The following TNNI3K variants were observed in gnomAD, a reference collection of about 807,000 sequenced individuals.
TNNI3K encodes the protein TNNI3 interacting kinase, also known as serine/threonine-protein kinase TNNI3K.
Under a neutral mutation model 114.5 loss-of-function variants are expected in TNNI3K, and 140 were observed. The observed-to-expected ratio is 1.22, with a 90% CI of 1.07 to 1.41. The LOEUF is 1.41. TNNI3K is among the 40% of genes most tolerant of loss of function. The pLI is 0.00. For synonymous variants in TNNI3K, 347 were observed against 347.5 expected (o/e 1.00, Z 0.02); for missense variants, 1,125 against 1,007.6 (o/e 1.12, Z -1.58).
chr1:74,276,139 C>T (rs1280815041), intron 5 of TNNI3K, among the ~76,000 whole-genome samples: 1 of 152,014 alleles, frequency 6.6e-6, no homozygotes, highest in Non-Finnish European at 1.5e-5. Context: ...TCAATTAGCT[C>T]CACACATGTT....
intron 3 of TNNI3K, among the ~76,000 whole-genome samples, chr1:74,250,135 A>C (rs1276264112): frequency 6.6e-6 from 1 of 152,208 alleles, no homozygotes; most frequent in Non-Finnish European, 1.5e-5. Flanking sequence ...ATTGAGCTTA[A>C]CTTCTTAAAA....
intron 11 of TNNI3K, among the ~76,000 whole-genome samples, chr1:74,361,567 GATA>G (rs1368899122): frequency 4.6e-5 from 7 of 152,084 alleles, no homozygotes; most frequent in African/African-American, 1.7e-4. Flanking sequence ...CAGTAAAACA[GATA>G]ATACCTCCCT....
In TNNI3K at chr1:74,540,305, A is replaced by T; in HGVS notation, c.2423A>T (p.Asp808Val). The T allele has an allele frequency of 6.8e-6, 11 of 1,611,470 alleles. No homozygotes were observed. The highest frequency in any genetic ancestry group is 9.3e-6 in the Non-Finnish European group (11 of 1,178,558). The change falls in exon 24 of 25, where the codon GAC (aspartate) becomes GTC (valine). Residue 808 changes from aspartate to valine, a missense_variant. Transcript: ENST00000326637. ...AGAAGTCTTCAATACACACCCATTG[A>T]CAAATATGGTAAGTAGGCAGATTCT... ...MKRSLQYTPI[D>V]KYGYVSDPMS...
chr1:74,347,656 G>A (rs1661091582), intron 9 of TNNI3K, among the ~76,000 whole-genome samples: 1 of 152,106 alleles, frequency 6.6e-6, no homozygotes, highest in Non-Finnish European at 1.5e-5. Flanking sequence ...ATCCTCTCCA[G>A]CACCTGTTGT....
At chr1:74,436,411 G>T in intron 18 of TNNI3K, 63 bp from the exon 19 acceptor site, 1 of 1,504,586 alleles carries the variant, frequency 6.6e-7, no homozygotes, top group Admixed American at 2.5e-5. Flanking sequence ...AATTTTAACT[G>T]TGATCTTTTA....
rs146820597 is a variant in TNNI3K, at chr1:74,443,409, A to G, written c.2011+3787A>G. Among the ~76,000 whole-genome samples, 717 of 152,312 alleles carry G rather than the reference A, an allele frequency of 4.7e-3. 6 individuals carry two copies. Among genetic ancestry groups the G allele is most frequent in the African/African-American group, 0.017 (692 of 41,572 alleles). ...TATGCAAATAAACTAGACAATCTAG[A>G]AGAAATGGATAAATACCTGGATATG... is the stretch of plus-strand genomic sequence containing the variant. On this transcript the variant is annotated intron_variant, in intron 20 of 24. Transcript: ENST00000326637.
intron 9 of TNNI3K, among the ~76,000 whole-genome samples, chr1:74,352,544 T>A (rs914108903): frequency 1.3e-5 from 2 of 152,216 alleles, no homozygotes; most frequent in African/African-American, 4.8e-5. Flanking sequence ...GTCTTTTGTT[T>A]GTCTGTGCCG....
At position 74,336,076 on chromosome 1, in the gene TNNI3K, C is replaced by A; in HGVS notation, c.609C>A (p.Pro203=). Residue 203 remains proline (P), a synonymous_variant, in exon 7 of 25, where the codon CCC becomes CCA. Coordinates refer to ENST00000326637, the MANE Select transcript of TNNI3K (RefSeq NM_015978.3). ...TAAGTGGTGAAGTTGGAGATAGACCCCTCCACCTAGCATCTGCAAAAGGAT... is the reference window on the plus strand; with the variant it reads ...TAAGTGGTGAAGTTGGAGATAGACCACTCCACCTAGCATCTGCAAAAGGAT... The part of the protein sequence containing the change: ...VNVSGEVGDR[P]LHLASAKGFL... 1 of 1,602,298 alleles carries A rather than the reference C, an allele frequency of 6.2e-7. No individual in the cohort carries two copies. The highest frequency in any genetic ancestry group is 8.5e-7 in the Non-Finnish European group (1 of 1,176,606).
intron 20 of TNNI3K, among the ~76,000 whole-genome samples, chr1:74,459,067 T>C (rs140239473): frequency 4.6e-4 from 70 of 152,212 alleles, no homozygotes; most frequent in Non-Finnish European, 7.6e-4. Flanking sequence ...CTGTCCACAA[T>C]AGCAAAGACA....
intron 4 of TNNI3K, among the ~76,000 whole-genome samples, chr1:74,264,880 T>A (rs1340097017): frequency 2.0e-5 from 3 of 152,060 alleles, no homozygotes; most frequent in African/African-American, 7.2e-5. Flanking sequence ...TATCTTGAGT[T>A]TATAAGCATT....
chr1:74,247,373 TG>T (rs1654634905), intron 2 of TNNI3K, among the ~76,000 whole-genome samples: 1 of 152,144 alleles, frequency 6.6e-6, no homozygotes, highest in Non-Finnish European at 1.5e-5. Context: ...GCCTTCATGG[TG>T]AGTGTTACAG....
chr1:74,244,944 T>C (rs1654463019), intron 2 of TNNI3K, among the ~76,000 whole-genome samples: 1 of 152,108 alleles, frequency 6.6e-6, no homozygotes, highest in African/African-American at 2.4e-5. Context: ...TATTAAAAGT[T>C]CGAGAGATCA....
At chr1:74,276,266 T>G (rs550837105) in intron 5 of TNNI3K, among the ~76,000 whole-genome samples, 29 of 152,112 alleles carry the variant, frequency 1.9e-4, no homozygotes, top group African/African-American at 6.0e-4. Context: ...AAATTATATA[T>G]AGAGAGGTAA....
intron 17 of TNNI3K, among the ~76,000 whole-genome samples, chr1:74,420,492 T>G (rs1268528257): frequency 1.3e-5 from 2 of 152,140 alleles, no homozygotes; most frequent in Non-Finnish European, 2.9e-5. Flanking sequence ...TCTGGCCAGC[T>G]ATGTTTTGCC....
chr1:74,263,688 T>A lies in TNNI3K; in HGVS notation c.334-7910T>A, dbSNP rs532630017. ...GGGAAATGGAGGCAATAAACATTAA[T>A]TTCTCTTCCAAAAAGTATAAGATTG... On this transcript the variant is annotated intron_variant, in intron 4 of 24. Coordinates refer to ENST00000326637, the MANE Select transcript of TNNI3K (RefSeq NM_015978.3). Among the ~76,000 whole-genome samples the A allele has an allele frequency of 2.0e-5, 3 of 152,036 alleles. No homozygotes were observed. In the East Asian group the frequency reaches 5.8e-4, roughly 29 times the overall value.
chr1:74,460,734 C>T (rs1667422494), intron 20 of TNNI3K, among the ~76,000 whole-genome samples: 1 of 152,238 alleles, frequency 6.6e-6, no homozygotes, highest in South Asian at 2.1e-4. Flanking sequence ...CCTCATGTTA[C>T]ATTGCCCACT....
intron 17 of TNNI3K, among the ~76,000 whole-genome samples, chr1:74,395,279 C>T (rs1664018948): frequency 6.6e-6 from 1 of 152,044 alleles, no homozygotes; most frequent in Non-Finnish European, 1.5e-5. Flanking sequence ...GTCTCTGAGT[C>T]CCTTCTTTGG....
At chr1:74,325,700 G>A (rs757813256) in intron 5 of TNNI3K, among the ~76,000 whole-genome samples, 5 of 152,106 alleles carry the variant, frequency 3.3e-5, no homozygotes, top group Non-Finnish European at 7.4e-5. Context: ...GTGAGGAAAG[G>A]TAGAGGAAAG....
At chr1:74,317,274 G>A (rs1196640739) in intron 5 of TNNI3K, among the ~76,000 whole-genome samples, 1 of 152,206 alleles carries the variant, frequency 6.6e-6, no homozygotes, top group Non-Finnish European at 1.5e-5. Flanking sequence ...GAGAATCTGA[G>A]TAGGTGTTAG....
Sources: allele counts gnomAD v4.1 joint callset (sites outside exome capture counted in the v4.1 genomes callset), GRCh38; gene constraint gnomAD v4.1.1; transcripts MANE v1.5; gene names NCBI Gene and HGNC (gene_info 2026-07-23, HGNC 2026-07-21).